SRBD1: variants seen among roughly 807,000 people sequenced by gnomAD.
The protein encoded by SRBD1 is S1 RNA-binding domain-containing protein 1.
In SRBD1, 88 loss-of-function variants were observed where a neutral mutation model predicts 115.3. That is an observed-to-expected ratio of 0.76 (90% CI 0.64 to 0.91). SRBD1 has a LOEUF of 0.91. Among genes scored for constraint, SRBD1 ranks in the 40% least tolerant of loss-of-function variants. The pLI, the probability that SRBD1 is intolerant of heterozygous loss-of-function variation, is 0.00. For missense variants in SRBD1, 1,385 were observed against 1,177.4 expected (o/e 1.18, Z -2.58); for synonymous variants, 509 against 407.7 (o/e 1.25, Z -2.99).
chr2:45,553,773 A>G, intron 10 of SRBD1, 43 bp from the exon 11 acceptor site: 10 of 1,339,056 alleles, frequency 7.5e-6, no homozygotes, highest in South Asian at 1.6e-5. Context: ...TGCAACAATA[A>G]ATAAGGCCAT....
chr2:45,601,910 T>C lies in SRBD1; in HGVS notation c.254A>G (p.Glu85Gly). 6.2e-7 allele frequency: 1 copy of C among 1,614,126 alleles called. No individual in the cohort carries two copies. Among genetic ancestry groups the C allele is most frequent in the South Asian group, 1.1e-5 (1 of 91,066 alleles). Residue 85 changes from glutamate to glycine, a missense_variant, in exon 3 of 21, where the codon GAG (glutamate) becomes GGG (glycine). By Grantham distance (98) the Glu-to-Gly change is moderately conservative. Transcript: ENST00000263736. ...TCCAGCTGTAGCACCTACCAGCTCC[T>C]CCTTAACAACAACGACTTCTGAGCC... ...SDGSEVVVVK[E>G]ELNSSVAIAD... is the part of the protein sequence containing the mutation.
At chr2:45,422,716 G>A (rs1462597561) in intron 16 of SRBD1, among the ~76,000 whole-genome samples, 1 of 152,188 alleles carries the variant, frequency 6.6e-6, no homozygotes, top group Non-Finnish European at 1.5e-5. Flanking sequence ...AGAGTTAAAA[G>A]CAAAGCATGT....
chr2:45,452,693 C>G (rs539528207), intron 16 of SRBD1, among the ~76,000 whole-genome samples: 1 of 152,002 alleles, frequency 6.6e-6, no homozygotes, highest in South Asian at 2.1e-4. Flanking sequence ...CATAGATCTT[C>G]CTATGAGAAT....
intron 18 of SRBD1, among the ~76,000 whole-genome samples, chr2:45,414,162 A>T (rs1358731154): frequency 6.6e-6 from 1 of 152,182 alleles, no homozygotes; most frequent in Non-Finnish European, 1.5e-5. Context: ...ATGATTTTGA[A>T]TTTAGAATCG....
chr2:45,610,062 G>C (rs776851109), intron 1 of SRBD1, among the ~76,000 whole-genome samples: 2 of 152,160 alleles, frequency 1.3e-5, no homozygotes, highest in Non-Finnish European at 2.9e-5. Flanking sequence ...CTGAAGAAGT[G>C]ATGGCACATA....
rs770779015 is a variant in SRBD1 at position 45,389,394 on chromosome 2, G to T, written c.2904C>A (p.Gly968=). Residue 968 remains glycine (G), a synonymous_variant, in exon 21 of 21, where the codon GGC becomes GGA. Transcript: ENST00000263736. ...KTKKRRSLGL[G]PGERVEVQVL... is the part of the protein sequence containing the mutation. ...CTTGGACTTCCACTCTTTCTCCGGG[G>T]CCCAGTCCAAGGCTTCTTCTCTTCT... 1 of 1,614,022 alleles carries T rather than the reference G, an allele frequency of 6.2e-7. No homozygotes were observed. The highest frequency in any genetic ancestry group is 8.5e-7 in the Non-Finnish European group (1 of 1,179,946).
chr2:45,557,505 C>A (rs539749697), intron 10 of SRBD1, among the ~76,000 whole-genome samples: 2 of 152,340 alleles, frequency 1.3e-5, no homozygotes, highest in East Asian at 3.9e-4. Context: ...CTTCCTGGAA[C>A]AGAGAGCTAT....
intron 12 of SRBD1, among the ~76,000 whole-genome samples, chr2:45,549,734 G>A (rs150884985): frequency 0.015 from 2,267 of 149,560 alleles, 32 homozygotes; most frequent in South Asian, 0.017. Flanking sequence ...ATGGTGGTGC[G>A]TGCCTATGGT....
At chr2:45,541,990 G>T (rs1671956697) in intron 14 of SRBD1, among the ~76,000 whole-genome samples, 2 of 152,348 alleles carry the variant, frequency 1.3e-5, no homozygotes, top group South Asian at 4.1e-4. Context: ...CGTAGGCCCT[G>T]GCTTGGAGGT....
At chr2:45,507,985 A>C (rs1408343668) in intron 14 of SRBD1, among the ~76,000 whole-genome samples, 1 of 152,180 alleles carries the variant, frequency 6.6e-6, no homozygotes, top group Admixed American at 6.5e-5. Flanking sequence ...CTTACCTAAA[A>C]GGAATGACAT....
chr2:45,545,449 T>A (rs1440740952), intron 14 of SRBD1, among the ~76,000 whole-genome samples: 1 of 152,088 alleles, frequency 6.6e-6, no homozygotes, highest in African/African-American at 2.4e-5. Flanking sequence ...CTACTTAATA[T>A]TTTTTATGAT....
intron 14 of SRBD1, among the ~76,000 whole-genome samples, chr2:45,502,660 A>G (rs550628842): frequency 8.6e-5 from 13 of 151,018 alleles, no homozygotes; most frequent in Non-Finnish European, 1.6e-4. Context: ...GAAGGAGAAC[A>G]TCACACACCG....
intron 9 of SRBD1, among the ~76,000 whole-genome samples, chr2:45,571,534 A>AAAACAAAAAAAAAAAAAAAC (rs1673015574): frequency 6.7e-6 from 1 of 149,798 alleles, no homozygotes; most frequent in African/African-American, 2.4e-5. Flanking sequence ...AAAAAAAAAA[A>AAAACAAAAAAAAAAAAAAAC]AAAAAAAACT....
chr2:45,418,349 G>A lies in SRBD1; in HGVS notation c.2333+16C>T, dbSNP rs375405603. 1.5e-5 allele frequency: 24 copies of A among 1,610,430 alleles called. No homozygotes were observed. In the African/African-American group the frequency reaches 2.8e-4, roughly 19 times the overall value. ...AGGAGGTTGACAATAGAATCAAAGT[G>A]TATACTTATACTCACCTGCAAAACG... On this transcript the variant is annotated intron_variant, in intron 18 of 20. Transcript: ENST00000263736.
intron 18 of SRBD1, among the ~76,000 whole-genome samples, chr2:45,416,070 C>A (rs1667823696): frequency 6.6e-6 from 1 of 151,790 alleles, no homozygotes. Context: ...ACTGATAAAT[C>A]TAATAAATAG....
chr2:45,486,686 T>G (rs1670130901), intron 15 of SRBD1, among the ~76,000 whole-genome samples: 1 of 151,844 alleles, frequency 6.6e-6, no homozygotes, highest in Admixed American at 6.6e-5. Context: ...TGAGCCGAGT[T>G]CGCACCACTG....
intron 9 of SRBD1, among the ~76,000 whole-genome samples, chr2:45,570,442 T>A (rs147042607): frequency 6.6e-6 from 1 of 152,258 alleles, no homozygotes; most frequent in African/African-American, 2.4e-5. Flanking sequence ...AAAGCCACAC[T>A]CCAGCTCTGG....
At chr2:45,495,632 C>T (rs1389621978) in intron 14 of SRBD1, among the ~76,000 whole-genome samples, 1 of 152,074 alleles carries the variant, frequency 6.6e-6, no homozygotes, top group African/African-American at 2.4e-5. Context: ...AAAAAAACTG[C>T]CACAGGACCA....
intron 9 of SRBD1, among the ~76,000 whole-genome samples, chr2:45,571,511 C>T (rs1213549133): frequency 2.0e-5 from 1 of 50,738 alleles, no homozygotes; most frequent in Admixed American, 2.8e-4. Context: ...CATATCCAGA[C>T]TTTACCAAAA....
Sources: allele counts gnomAD v4.1 joint callset (sites outside exome capture counted in the v4.1 genomes callset), GRCh38; gene constraint gnomAD v4.1.1; transcripts MANE v1.5; gene names NCBI Gene and HGNC (gene_info 2026-07-23, HGNC 2026-07-21).